SIPA1L3: variants seen among roughly 807,000 people sequenced by gnomAD.
The protein encoded by SIPA1L3 is signal induced proliferation associated 1 like 3.
In SIPA1L3, 59 loss-of-function variants were observed where a neutral mutation model predicts 150.1. The ratio of observed to expected loss-of-function variants is 0.39; its 90% CI spans 0.32 to 0.49. The LOEUF is 0.49. SIPA1L3 is among the 20% of genes least tolerant of loss of function. The pLI is 0.86. For synonymous variants in SIPA1L3, 1,070 were observed against 1,077.6 expected, an observed-to-expected ratio of 0.99 and a Z score of 0.14; for missense variants, 2,211 against 2,489.5, an observed-to-expected ratio of 0.89 and a Z score of 2.38.
chr19:38,052,119 C>T (rs918525458), intron 2 of SIPA1L3, among the ~76,000 whole-genome samples: 2 of 152,152 alleles, frequency 1.3e-5, no homozygotes, highest in East Asian at 1.9e-4. Context: ...GCCTGTACAT[C>T]GTGGAAGAGA....
intron 4 of SIPA1L3, among the ~76,000 whole-genome samples, chr19:38,092,063 CAAA>C (rs58074748): frequency 5.2e-5 from 5 of 96,948 alleles, no homozygotes; most frequent in Admixed American, 1.2e-4. Flanking sequence ...GACTCCATCT[CAAA>C]AAAAAAAAAA....
chr19:38,120,873 C>T (rs1029635214), intron 9 of SIPA1L3, among the ~76,000 whole-genome samples: 5 of 152,232 alleles, frequency 3.3e-5, no homozygotes, highest in African/African-American at 4.8e-5. Context: ...GGCAGAACGC[C>T]GTGCCATGTG....
intron 19 of SIPA1L3, among the ~76,000 whole-genome samples, chr19:38,198,856 A>G (rs1005916635): frequency 6.6e-6 from 1 of 152,200 alleles, no homozygotes; most frequent in Non-Finnish European, 1.5e-5. Context: ...CTGAGAGTCC[A>G]AGGCAGGAGG....
At chr19:37,924,299 T>C (rs2145487689) in intron 1 of SIPA1L3, among the ~76,000 whole-genome samples, 1 of 152,234 alleles carries the variant, frequency 6.6e-6, no homozygotes, top group Middle Eastern at 3.4e-3. Context: ...CTCCACATCT[T>C]GTCCCACTGG....
At chr19:37,936,555 T>C (rs1249481635) in intron 1 of SIPA1L3, among the ~76,000 whole-genome samples, 20 of 152,234 alleles carry the variant, frequency 1.3e-4, no homozygotes. Flanking sequence ...GCTTACCTTG[T>C]GTAGAGGAAC....
rs1183232253 is a variant in SIPA1L3 at position 38,182,754 on chromosome 19, C to T, written c.4430+14C>T. Reference sequence around the variant, plus strand: ...TGACCCAAAGAAGTAAGTGCCTGGACGTCCAGCGAGGCGCCCGCCAGATCC... The same window carrying T: ...TGACCCAAAGAAGTAAGTGCCTGGATGTCCAGCGAGGCGCCCGCCAGATCC... On this transcript the variant is annotated intron_variant, in intron 16 of 21. Transcript: ENST00000222345. 5.7e-6 allele frequency: 9 copies of T among 1,588,740 alleles called. No individual in the cohort carries two copies. Among genetic ancestry groups the T allele is most frequent in the East Asian group, 2.3e-5 (1 of 44,114 alleles).
intron 1 of SIPA1L3, among the ~76,000 whole-genome samples, chr19:38,027,681 G>C (rs1348237482): frequency 6.7e-6 from 1 of 149,912 alleles, no homozygotes; most frequent in Non-Finnish European, 1.5e-5. Flanking sequence ...GCTGTATATA[G>C]TACACTTTTT....
At chr19:37,982,341 G>A (rs1403708114) in intron 1 of SIPA1L3, among the ~76,000 whole-genome samples, 2 of 152,152 alleles carry the variant, frequency 1.3e-5, no homozygotes, top group Non-Finnish European at 2.9e-5. Flanking sequence ...CCTCTGGCTG[G>A]GTCCTTGATC....
chr19:37,977,481 T>G (rs1192305080), intron 1 of SIPA1L3, among the ~76,000 whole-genome samples: 1 of 152,176 alleles, frequency 6.6e-6, no homozygotes, highest in East Asian at 1.9e-4. Context: ...CATTATTATT[T>G]TTATTGGCAG....
At chr19:38,071,583 C>G (rs536782824) in intron 2 of SIPA1L3, among the ~76,000 whole-genome samples, 2 of 152,282 alleles carry the variant, frequency 1.3e-5, no homozygotes, top group South Asian at 4.1e-4. Context: ...GCCACTGTGC[C>G]CAATCAGATA....
At chr19:38,052,195 A>T (rs1969210142) in intron 2 of SIPA1L3, among the ~76,000 whole-genome samples, 2 of 152,176 alleles carry the variant, frequency 1.3e-5, no homozygotes, top group Non-Finnish European at 2.9e-5. Flanking sequence ...TTCTCCCTTG[A>T]TTCTCAGATG....
intron 1 of SIPA1L3, among the ~76,000 whole-genome samples, chr19:37,953,415 T>C (rs886320110): frequency 1.3e-5 from 2 of 152,102 alleles, no homozygotes; most frequent in African/African-American, 4.8e-5. Flanking sequence ...CTGGATAGAG[T>C]TCATGACCAA....
chr19:38,129,955 T>C (rs984282461), intron 9 of SIPA1L3, among the ~76,000 whole-genome samples: 2 of 152,000 alleles, frequency 1.3e-5, no homozygotes, highest in African/African-American at 4.8e-5. Context: ...TAATCCCAGC[T>C]ACTCAGGAGG....
At chr19:38,191,980 A>C (rs1284124001) in intron 16 of SIPA1L3, among the ~76,000 whole-genome samples, 165 bp from the exon 17 acceptor site, 1 of 152,164 alleles carries the variant, frequency 6.6e-6, no homozygotes, top group Non-Finnish European at 1.5e-5. Flanking sequence ...CGTTTGTGGA[A>C]GAAGGGAATG....
intron 2 of SIPA1L3, among the ~76,000 whole-genome samples, chr19:38,030,697 T>G (rs1968634336): frequency 6.6e-6 from 1 of 150,610 alleles, no homozygotes; most frequent in Admixed American, 6.6e-5. Context: ...ATGTTATGTT[T>G]AGGTTTCTGG....
At chr19:38,106,388 T>C (rs780012130) in intron 6 of SIPA1L3, 149 bp from the exon 7 acceptor site, 18 of 660,828 alleles carry the variant, frequency 2.7e-5, no homozygotes, top group Non-Finnish European at 5.0e-5. Flanking sequence ...ATTATAGGTG[T>C]GAACCACCAG....
intron 4 of SIPA1L3, among the ~76,000 whole-genome samples, 185 bp from the exon 5 acceptor site, chr19:38,099,777 G>A (rs536953739): frequency 6.6e-6 from 1 of 152,316 alleles, no homozygotes; most frequent in South Asian, 2.1e-4. Flanking sequence ...AAGTCACTTG[G>A]TCAAGACCGC....
rs1969072898 is a variant in SIPA1L3 at position 38,046,911 on chromosome 19, G to C, written c.-311+17755G>C. Among the ~76,000 whole-genome samples the C allele has an allele frequency of 6.6e-6, 1 of 152,226 alleles. No individual in the cohort carries two copies. Among genetic ancestry groups the C allele is most frequent in the South Asian group, 2.1e-4 (1 of 4,834 alleles). ...GTGTCTCAGAAAACCCACATGGCTT[G>C]TAGCTGTGGCTGCCTAACAGCACCA... On this transcript the variant is annotated intron_variant, in intron 2 of 21. Coordinates refer to ENST00000222345, the MANE Select transcript of SIPA1L3 (RefSeq NM_015073.3). This position sits in a 1 kb window ranked among gnomAD's most constrained non-coding sequence, Gnocchi z 5.6.
chr19:38,066,512 G>A (rs765647726), intron 2 of SIPA1L3, among the ~76,000 whole-genome samples: 11 of 152,298 alleles, frequency 7.2e-5, no homozygotes, highest in Non-Finnish European at 1.6e-4. Flanking sequence ...ATTTCTGGAA[G>A]TGGAATTGCT....
Sources: allele counts gnomAD v4.1 joint callset (sites outside exome capture counted in the v4.1 genomes callset), GRCh38; gene constraint gnomAD v4.1.1; non-coding constraint Gnocchi (gnomAD v3.1); transcripts MANE v1.5; gene names NCBI Gene and HGNC (gene_info 2026-07-23, HGNC 2026-07-21).